Variants in TTC28 observed in about 807,000 individuals in gnomAD.
TTC28 encodes tetratricopeptide repeat domain 28.
TTC28 carries 61 observed loss-of-function variants against 198.0 expected under a neutral mutation model. That is an observed-to-expected ratio of 0.31 (90% CI 0.25 to 0.38). TTC28 has a LOEUF of 0.38. Ranked by LOEUF, TTC28 falls within the 10% of genes least tolerant of loss-of-function variation. The probability of loss-of-function intolerance (pLI) is 1.00; values close to 1 mark genes in which losing one functional copy is unlikely to be tolerated. For synonymous variants in TTC28, 1,171 were observed against 1,297.8 expected (o/e 0.90, Z 2.10); for missense variants, 2,678 against 3,164.0 (o/e 0.85, Z 3.69).
In TTC28 at chr22:27,996,243, C is replaced by G; in HGVS notation, c.5136G>C (p.Gly1712=). 1 of 1,551,070 alleles carries G rather than the reference C, an allele frequency of 6.4e-7. No homozygotes were observed. Among genetic ancestry groups the G allele is most frequent in the Non-Finnish European group, 8.7e-7 (1 of 1,146,986 alleles). ...AGGGGCTGTTCAGCTTAACGTCACT[C>G]CCGATGAGCATGAACCCTGCAGAAA... The part of the protein sequence containing the change: ...PSNWAGFMLI[G]SDVKLNSPSS... The change falls in exon 17 of 23, where the codon GGG becomes GGC. Residue 1712 remains glycine, a synonymous_variant. Coordinates refer to ENST00000397906, the MANE Select transcript of TTC28 (RefSeq NM_001145418.2).
intron 2 of TTC28, among the ~76,000 whole-genome samples, chr22:28,439,929 A>G (rs945953872): frequency 6.6e-6 from 1 of 152,000 alleles, no homozygotes; most frequent in Non-Finnish European, 1.5e-5. Flanking sequence ...TCCACCTCCC[A>G]GATTCAAGCG....
At chr22:28,452,434 T>C (rs181026271) in intron 2 of TTC28, among the ~76,000 whole-genome samples, 35 of 145,178 alleles carry the variant, frequency 2.4e-4, no homozygotes, top group African/African-American at 8.6e-4. Context: ...TGTATTTCTC[T>C]GGCTATGGTG....
chr22:28,221,079 C>T (rs1371491943), intron 5 of TTC28, among the ~76,000 whole-genome samples: 5 of 152,052 alleles, frequency 3.3e-5, no homozygotes, highest in Admixed American at 6.5e-5. Flanking sequence ...GAGCAGGTGA[C>T]GATGGTGTGG....
At chr22:28,126,552 A>G (rs567643377) in intron 6 of TTC28, among the ~76,000 whole-genome samples, 1 of 152,326 alleles carries the variant, frequency 6.6e-6, no homozygotes, top group East Asian at 1.9e-4. Context: ...CACTATGTTG[A>G]TTTAGATGGA....
chr22:28,585,929 A>G (rs2050308738), intron 2 of TTC28, among the ~76,000 whole-genome samples: 1 of 152,000 alleles, frequency 6.6e-6, no homozygotes, highest in South Asian at 2.1e-4. Context: ...ATACCTATGT[A>G]ACAAACCTGC....
chr22:28,306,467 G>A, intron 3 of TTC28, 29 bp downstream of exon 3: 15 of 1,541,202 alleles, frequency 9.7e-6, no homozygotes, highest in Non-Finnish European at 1.3e-5. Context: ...TTAAATTAAT[G>A]TTATACCAAG....
chr22:28,086,022 A>G lies in TTC28; in HGVS notation c.3932+8058T>C, dbSNP rs534843359. 9.4e-4 allele frequency among the ~76,000 whole-genome samples: 143 copies of G among 152,300 alleles called. 2 individuals are homozygous for G. The highest frequency in any genetic ancestry group is 3.3e-3 in the African/African-American group (136 of 41,570). On this transcript the variant is annotated intron_variant, in intron 12 of 22. Transcript: ENST00000397906. ...ACCCAGATTCATAAAGCAAGTCCTC[A>G]GTGACCTACAAAGAGACTTAGACTC...
At chr22:28,621,648 C>A (rs2050999894) in intron 2 of TTC28, among the ~76,000 whole-genome samples, 2 of 149,410 alleles carry the variant, frequency 1.3e-5, no homozygotes, top group Middle Eastern at 3.5e-3. Flanking sequence ...GAGGCTGAGG[C>A]AGGGGGATCA....
intron 6 of TTC28, among the ~76,000 whole-genome samples, chr22:28,144,005 G>T (rs1943402321): frequency 6.6e-6 from 1 of 151,934 alleles, no homozygotes; most frequent in Admixed American, 6.6e-5. Context: ...AGAAAAAGAA[G>T]GAAAAGAGCC....
At chr22:28,555,674 G>A (rs2049774676) in intron 2 of TTC28, among the ~76,000 whole-genome samples, 1 of 152,082 alleles carries the variant, frequency 6.6e-6, no homozygotes, top group Admixed American at 6.5e-5. Context: ...ATGATACATT[G>A]GACTTTGGGG....
intron 13 of TTC28, among the ~76,000 whole-genome samples, chr22:28,024,135 C>T (rs946498898): frequency 5.9e-5 from 9 of 152,134 alleles, no homozygotes; most frequent in South Asian, 2.1e-4. Context: ...GAGCCTCAGG[C>T]GAGTGCACAG....
intron 2 of TTC28, among the ~76,000 whole-genome samples, chr22:28,496,212 A>T (rs2048452883): frequency 1.3e-5 from 2 of 152,062 alleles, no homozygotes; most frequent in African/African-American, 4.8e-5. Flanking sequence ...TTTATACTCC[A>T]TTCATTTGTG....
intron 2 of TTC28, among the ~76,000 whole-genome samples, chr22:28,506,849 A>G (rs1222952466): frequency 5.9e-5 from 9 of 151,836 alleles, no homozygotes; most frequent in Non-Finnish European, 2.9e-5. Context: ...GTTAAAAGAA[A>G]AACAAACAGA....
At chr22:28,562,218 T>C (rs752923139) in intron 2 of TTC28, among the ~76,000 whole-genome samples, 8 of 152,200 alleles carry the variant, frequency 5.3e-5, no homozygotes, top group Non-Finnish European at 1.5e-5. Context: ...ATAAAAAATA[T>C]AACCACTCTC....
At chr22:28,518,101 A>T (rs917649443) in intron 2 of TTC28, among the ~76,000 whole-genome samples, 2 of 152,050 alleles carry the variant, frequency 1.3e-5, no homozygotes, top group Non-Finnish European at 2.9e-5. Context: ...CATCAATGGC[A>T]TATCTACTAT....
rs766284253 is a variant in TTC28, at chr22:27,982,359, G to A, written c.7308C>T (p.Thr2436=). ...GCAGTGAGCCCAGCGAGGTGGTCTCGGTGCGCCAGTGTCCGTTGGGAGGGG... is the reference window on the plus strand; with the variant it reads ...GCAGTGAGCCCAGCGAGGTGGTCTCAGTGCGCCAGTGTCCGTTGGGAGGGG... ...PKAPPNGHWR[T]ETTSLGSLPL... The change falls in exon 23 of 23, where the codon ACC becomes ACT. Residue 2436 remains threonine, a synonymous_variant. Transcript: ENST00000397906. This position sits in a 1 kb window ranked among gnomAD's most constrained non-coding sequence, Gnocchi z 5.2. 40 of 1,549,510 alleles carry A rather than the reference G, an allele frequency of 2.6e-5. 1 individual carries two copies. The highest frequency in any genetic ancestry group is 2.0e-4 in the East Asian group (8 of 40,928).
chr22:28,600,895 A>G (rs1287655364), intron 2 of TTC28, among the ~76,000 whole-genome samples: 3 of 152,176 alleles, frequency 2.0e-5, no homozygotes, highest in Non-Finnish European at 4.4e-5. Context: ...TTTTCTCAAT[A>G]TGCTTTCTAG....
intron 19 of TTC28, 103 bp downstream of exon 19, chr22:27,992,484 A>C: frequency 8.5e-7 from 1 of 1,172,522 alleles, no homozygotes; most frequent in South Asian, 1.5e-5. Context: ...AAAGGCGGTG[A>C]GACTGCATTC....
chr22:28,178,082 C>T (rs1923339615), intron 5 of TTC28, among the ~76,000 whole-genome samples: 2 of 151,898 alleles, frequency 1.3e-5, no homozygotes, highest in African/African-American at 2.4e-5. Context: ...CAGGAGAAAA[C>T]GACTGGGGGA....
Sources: allele counts gnomAD v4.1 joint callset (sites outside exome capture counted in the v4.1 genomes callset), GRCh38; gene constraint gnomAD v4.1.1; non-coding constraint Gnocchi (gnomAD v3.1); transcripts MANE v1.5; gene names NCBI Gene and HGNC (gene_info 2026-07-23, HGNC 2026-07-21).